The following AK5 variants were observed in gnomAD, a reference collection of about 807,000 sequenced individuals.
AK5 encodes adenylate kinase 5.
Under a neutral mutation model 69.5 loss-of-function variants are expected in AK5, and 27 were observed. That is an observed-to-expected ratio of 0.39 (90% CI 0.29 to 0.54). The LOEUF (loss-of-function observed/expected upper bound fraction) is 0.54, where lower values mean the gene tolerates loss of function less well. Ranked by LOEUF, AK5 falls within the 20% of genes least tolerant of loss-of-function variation. The pLI is 0.71. For missense variants in AK5, 531 were observed against 700.4 expected, an observed-to-expected ratio of 0.76 and a Z score of 2.73; for synonymous variants, 260 against 244.4, an observed-to-expected ratio of 1.06 and a Z score of -0.60.
chr1:77,505,201 C>T (rs1656957139), intron 10 of AK5, among the ~76,000 whole-genome samples: 1 of 152,180 alleles, frequency 6.6e-6, no homozygotes, highest in African/African-American at 2.4e-5. Context: ...GTCTCACTTC[C>T]CTTTACTGTG....
intron 6 of AK5, among the ~76,000 whole-genome samples, chr1:77,381,508 A>G (rs1312872776): frequency 6.6e-6 from 1 of 152,192 alleles, no homozygotes; most frequent in Non-Finnish European, 1.5e-5. Flanking sequence ...TTGGCACCAA[A>G]AGAACAAAAC....
intron 8 of AK5, among the ~76,000 whole-genome samples, chr1:77,435,644 C>CAAAAAAAAAAAAAAA (rs1202203579): frequency 1.1e-4 from 7 of 66,074 alleles, no homozygotes; most frequent in African/African-American, 4.0e-4. Flanking sequence ...GACTCTGTCT[C>CAAAAAAAAAAAAAAA]AAAAAAAAAA....
chr1:77,292,920 CAT>C (rs548293404), intron 2 of AK5, among the ~76,000 whole-genome samples: 338 of 152,268 alleles, frequency 2.2e-3, no homozygotes, highest in Non-Finnish European at 4.1e-3. Flanking sequence ...AAGATATAAA[CAT>C]ATAAGCTCTA....
At chr1:77,468,959 G>A (rs895826268) in intron 8 of AK5, among the ~76,000 whole-genome samples, 7 of 152,154 alleles carry the variant, frequency 4.6e-5, no homozygotes, top group African/African-American at 1.7e-4. Flanking sequence ...GCATTGTCTT[G>A]GGGAAATTAT....
intron 9 of AK5, among the ~76,000 whole-genome samples, chr1:77,484,095 G>A (rs190257850): frequency 1.1e-4 from 17 of 151,038 alleles, no homozygotes; most frequent in Non-Finnish European, 1.9e-4. Context: ...AACCCAGGAC[G>A]ATGAGGTTTC....
At chr1:77,513,638 G>T (rs888079007) in intron 10 of AK5, among the ~76,000 whole-genome samples, 1 of 152,184 alleles carries the variant, frequency 6.6e-6, no homozygotes, top group African/African-American at 2.4e-5. Flanking sequence ...TCAGGAGTTC[G>T]AGACCAGCCT....
chr1:77,544,883 G>C (rs1051952665), intron 13 of AK5, among the ~76,000 whole-genome samples: 2 of 152,122 alleles, frequency 1.3e-5, no homozygotes, highest in African/African-American at 4.8e-5. Flanking sequence ...CAAGCATTGC[G>C]TACTTTACGT....
At chr1:77,322,042 A>G (rs1236941850) in intron 5 of AK5, among the ~76,000 whole-genome samples, 4 of 152,160 alleles carry the variant, frequency 2.6e-5, no homozygotes, top group Non-Finnish European at 4.4e-5. Flanking sequence ...TTATTATTTA[A>G]CTTTCCATGA....
chr1:77,499,046 C>T (rs1290406847), intron 10 of AK5, among the ~76,000 whole-genome samples: 1 of 152,166 alleles, frequency 6.6e-6, no homozygotes, highest in African/African-American at 2.4e-5. Flanking sequence ...TTGTCAACAA[C>T]CCAGCCCTGT....
chr1:77,402,458 A>T (rs1344874510), intron 6 of AK5, among the ~76,000 whole-genome samples: 1 of 77,030 alleles, frequency 1.3e-5, no homozygotes, highest in Non-Finnish European at 2.6e-5. Context: ...CCCCCACCCC[A>T]CAACAGTCCC....
At chr1:77,429,076 C>T (rs1454922536) in intron 8 of AK5, among the ~76,000 whole-genome samples, 1 of 152,024 alleles carries the variant, frequency 6.6e-6, no homozygotes, top group African/African-American at 2.4e-5. Context: ...GTGTGTGTGT[C>T]TTTATAGCTG....
At chr1:77,298,555 A>G (rs1336954127) in intron 5 of AK5, among the ~76,000 whole-genome samples, 1 of 151,868 alleles carries the variant, frequency 6.6e-6, no homozygotes, top group African/African-American at 2.4e-5. Flanking sequence ...TGTAATCCCA[A>G]CACTTCGGAA....
At chr1:77,294,428 T>C (rs1477261513) in intron 3 of AK5, among the ~76,000 whole-genome samples, 2 of 152,058 alleles carry the variant, frequency 1.3e-5, no homozygotes, top group Non-Finnish European at 2.9e-5. Flanking sequence ...GAAAGTTTTC[T>C]AAACATGATG....
At chr1:77,461,699 G>A (rs1488350588) in intron 8 of AK5, among the ~76,000 whole-genome samples, 1 of 151,834 alleles carries the variant, frequency 6.6e-6, no homozygotes, top group African/African-American at 2.4e-5. Context: ...GAACCCGGGA[G>A]GTGGAGGTTG....
intron 12 of AK5, among the ~76,000 whole-genome samples, chr1:77,530,148 T>C (rs1658500183): frequency 6.6e-6 from 1 of 152,208 alleles, no homozygotes; most frequent in South Asian, 2.1e-4. Flanking sequence ...AATGTCCAGT[T>C]GGTGTGTTCT....
chr1:77,312,198 G>A (rs951822875), intron 5 of AK5, among the ~76,000 whole-genome samples: 7 of 152,024 alleles, frequency 4.6e-5, no homozygotes, highest in Admixed American at 1.3e-4. Flanking sequence ...TGACAATCCC[G>A]TCTCTAAATT....
At chr1:77,346,517 G>A (rs1384224885) in intron 6 of AK5, among the ~76,000 whole-genome samples, 1 of 152,142 alleles carries the variant, frequency 6.6e-6, no homozygotes, top group African/African-American at 2.4e-5. Context: ...TTTTGTGGGG[G>A]ATAGGGTCTG....
intron 6 of AK5, among the ~76,000 whole-genome samples, chr1:77,353,046 A>T (rs1662294592): frequency 6.6e-6 from 1 of 152,194 alleles, no homozygotes. Context: ...TTACATACTT[A>T]ATTATTTTTT....
intron 8 of AK5, among the ~76,000 whole-genome samples, chr1:77,423,192 G>C (rs959032755): frequency 7.2e-6 from 1 of 138,182 alleles, no homozygotes; most frequent in African/African-American, 2.7e-5. Flanking sequence ...CTGCACTCCT[G>C]CCTGGGCAAC....
Sources: gnomAD v4.1 joint callset for allele counts (sites outside exome capture counted in the v4.1 genomes callset) on GRCh38, gnomAD v4.1.1 for gene constraint, MANE v1.5 for transcripts, NCBI Gene and HGNC (gene_info 2026-07-23, HGNC 2026-07-21) for gene names.